Variants in GLRX3 observed in about 807,000 individuals in gnomAD.
GLRX3 encodes the protein glutaredoxin 3, also known as glutaredoxin-3.
A neutral mutation model predicts 49.5 loss-of-function variants in GLRX3; 22 were observed. That is an observed-to-expected ratio of 0.44 (90% CI 0.32 to 0.63). GLRX3 has a LOEUF of 0.63. Ranked by LOEUF, GLRX3 falls within the 30% of genes least tolerant of loss-of-function variation. The probability of loss-of-function intolerance (pLI) is 0.05; values close to 1 mark genes in which losing one functional copy is unlikely to be tolerated. For missense variants in GLRX3, 385 were observed against 396.3 expected (o/e 0.97, Z 0.24); for synonymous variants, 133 against 140.0 (o/e 0.95, Z 0.35).
chr10:130,176,753 C>G (rs1862928621), intron 10 of GLRX3, among the ~76,000 whole-genome samples: 1 of 61,574 alleles, frequency 1.6e-5, no homozygotes, highest in Non-Finnish European at 3.3e-5. Flanking sequence ...TCCCTCCTTC[C>G]CTCCCTCCCT....
At chr10:130,169,787 G>C (rs567260860) in intron 7 of GLRX3, among the ~76,000 whole-genome samples, 2 of 152,338 alleles carry the variant, frequency 1.3e-5, no homozygotes, top group South Asian at 4.1e-4. Flanking sequence ...ATTATCCTTT[G>C]TTTGAGTTTG....
At chr10:130,156,094 A>T (rs1183321999) in intron 2 of GLRX3, among the ~76,000 whole-genome samples, 5 of 152,240 alleles carry the variant, frequency 3.3e-5, no homozygotes, top group Non-Finnish European at 7.3e-5. Context: ...CATTTGTGCT[A>T]CTATAACAGA....
chr10:130,139,193 G>A (rs918104181), intron 1 of GLRX3, among the ~76,000 whole-genome samples: 20 of 151,904 alleles, frequency 1.3e-4, no homozygotes, highest in African/African-American at 4.4e-4. Context: ...CCATTTGGAT[G>A]TTGTATCCTT....
At chr10:130,167,657 T>C (rs1862719106) in intron 6 of GLRX3, among the ~76,000 whole-genome samples, 1 of 152,218 alleles carries the variant, frequency 6.6e-6, no homozygotes, top group Non-Finnish European at 1.5e-5. Context: ...CATTCATAGT[T>C]GGGGCTGGAG....
intron 1 of GLRX3, among the ~76,000 whole-genome samples, chr10:130,141,874 G>A (rs572851696): frequency 3.3e-5 from 5 of 152,194 alleles, no homozygotes; most frequent in Non-Finnish European, 5.9e-5. Flanking sequence ...GGTGGGCAGA[G>A]GCTCCTGAGG....
At chr10:130,163,580 T>C (rs1451068768) in intron 4 of GLRX3, among the ~76,000 whole-genome samples, 2 of 152,222 alleles carry the variant, frequency 1.3e-5, no homozygotes, top group Non-Finnish European at 2.9e-5. Flanking sequence ...ACATTTTCAG[T>C]GGGTTTTTCT....
intron 7 of GLRX3, among the ~76,000 whole-genome samples, chr10:130,169,828 G>T (rs911261990): frequency 5.3e-5 from 8 of 152,220 alleles, no homozygotes; most frequent in African/African-American, 1.9e-4. Context: ...CTGAGTCAGT[G>T]GACTTCCTGA....
intron 3 of GLRX3, among the ~76,000 whole-genome samples, chr10:130,160,406 A>C (rs1009069580): frequency 9.9e-5 from 15 of 152,194 alleles, no homozygotes; most frequent in African/African-American, 3.6e-4. Flanking sequence ...ACATAATGGA[A>C]TCTCTGGCTG....
rs1554955090 is a variant in GLRX3, at chr10:130,145,194, A to ATTTAATTGAT, written c.93-14_93-5dup. 2 of 986,258 alleles carry ATTTAATTGAT rather than the reference A, an allele frequency of 2.0e-6. No individual in the cohort carries two copies. The highest frequency in any genetic ancestry group is 2.0e-5 in the Admixed American group (1 of 51,070). The allele number at this position is 986,258 out of a possible 1,614,324, so 61.1% of individuals were successfully genotyped here. On this transcript the variant is annotated splice_polypyrimidine_tract_variant and intron_variant, in intron 1 of 10. Coordinates refer to ENST00000331244, the MANE Select transcript of GLRX3 (RefSeq NM_006541.5). ...AATTGGTATAATTTTAAATAAATGC[A>ATTTAATTGAT]TTTAATTGATTTACAGGTCCCTCCT...
intron 8 of GLRX3, among the ~76,000 whole-genome samples, chr10:130,174,407 G>T (rs957887493): frequency 5.9e-5 from 9 of 152,262 alleles, no homozygotes; most frequent in South Asian, 2.1e-4. Flanking sequence ...GCAGATGGGG[G>T]TGTGGGTCTG....
chr10:130,166,951 T>C lies in GLRX3; in HGVS notation c.684T>C (p.Ile228=). The C allele has an allele frequency of 6.3e-7, 1 of 1,597,800 alleles. No individual in the cohort carries two copies. Among genetic ancestry groups the C allele is most frequent in the Non-Finnish European group, 8.5e-7 (1 of 1,171,258 alleles). ...AAGCATCTGAAGAACTAGATACAATTTGTCCCAAAGCTCCCAAATTAGAGG... is the reference window on the plus strand; with the variant it reads ...AAGCATCTGAAGAACTAGATACAATCTGTCCCAAAGCTCCCAAATTAGAGG... ...ELEASEELDT[I]CPKAPKLEER... The change falls in exon 6 of 11, where the codon ATT becomes ATC. Residue 228 remains isoleucine, a synonymous_variant. Coordinates refer to ENST00000331244, the MANE Select transcript of GLRX3 (RefSeq NM_006541.5).
chr10:130,144,897 A>G (rs944371234), intron 1 of GLRX3, among the ~76,000 whole-genome samples: 1 of 152,216 alleles, frequency 6.6e-6, no homozygotes, highest in East Asian at 1.9e-4. Flanking sequence ...GTCTTCCACA[A>G]TGGTTGAACT....
At chr10:130,148,041 T>A (rs1862300611) in intron 2 of GLRX3, among the ~76,000 whole-genome samples, 1 of 152,160 alleles carries the variant, frequency 6.6e-6, no homozygotes, top group Non-Finnish European at 1.5e-5. Context: ...GGAATGTAGT[T>A]CATTTTAAAA....
intron 2 of GLRX3, among the ~76,000 whole-genome samples, chr10:130,146,493 G>A (rs1001853249): frequency 2.0e-5 from 3 of 152,174 alleles, no homozygotes; most frequent in Admixed American, 1.3e-4. Flanking sequence ...TCTCTTGAGT[G>A]GATGAGTGCT....
At chr10:130,142,394 A>G (rs1862192072) in intron 1 of GLRX3, among the ~76,000 whole-genome samples, 1 of 152,154 alleles carries the variant, frequency 6.6e-6, no homozygotes, top group Non-Finnish European at 1.5e-5. Context: ...CCTGACTCAG[A>G]GGAGACTGCC....
At chr10:130,166,768 C>G (rs1346328444) in intron 5 of GLRX3, 89 bp downstream of exon 5, 1 of 1,031,656 alleles carries the variant, frequency 9.7e-7, no homozygotes, top group African/African-American at 1.6e-5. Flanking sequence ...ATACAAATTT[C>G]TTATGAATCT....
intron 2 of GLRX3, among the ~76,000 whole-genome samples, chr10:130,151,546 G>A (rs976703806): frequency 2.7e-5 from 4 of 149,666 alleles, no homozygotes; most frequent in Admixed American, 6.7e-5. Flanking sequence ...AACAGGCCCC[G>A]GTGTGTGATG....
chr10:130,174,181 T>G (rs933547937), intron 8 of GLRX3, among the ~76,000 whole-genome samples: 1 of 152,210 alleles, frequency 6.6e-6, no homozygotes, highest in African/African-American at 2.4e-5. Flanking sequence ...AACAGCACCC[T>G]CTCTGAAATA....
At chr10:130,160,728 A>G (rs1238185250) in intron 3 of GLRX3, 68 bp from the exon 4 acceptor site, 1 of 920,282 alleles carries the variant, frequency 1.1e-6, no homozygotes, top group African/African-American at 1.6e-5. Flanking sequence ...TCCCCTTTAA[A>G]AATCTGCTAT....
Sources: gnomAD v4.1 joint callset for allele counts (sites outside exome capture counted in the v4.1 genomes callset) on GRCh38, gnomAD v4.1.1 for gene constraint, MANE v1.5 for transcripts, NCBI Gene and HGNC (gene_info 2026-07-23, HGNC 2026-07-21) for gene names.